The following TP73 variants were observed in gnomAD, a reference collection of about 807,000 sequenced individuals.
TP73 encodes the protein tumor protein p73, also known as p53-like transcription factor.
A neutral mutation model predicts 62.5 loss-of-function variants in TP73; 25 were observed. The ratio of observed to expected loss-of-function variants is 0.40; its 90% CI spans 0.29 to 0.56. The LOEUF (loss-of-function observed/expected upper bound fraction) is 0.56, where lower values mean the gene tolerates loss of function less well. Among genes scored for constraint, TP73 ranks in the 20% least tolerant of loss-of-function variants. The pLI, the probability that TP73 is intolerant of heterozygous loss-of-function variation, is 0.46. For missense variants in TP73, 754 were observed against 913.3 expected, an observed-to-expected ratio of 0.83 and a Z score of 2.25; for synonymous variants, 423 against 377.5, an observed-to-expected ratio of 1.12 and a Z score of -1.40.
intron 4 of TP73, among the ~76,000 whole-genome samples, chr1:3,715,302 G>A (rs1640500943): frequency 6.6e-6 from 1 of 152,108 alleles, no homozygotes; most frequent in African/African-American, 2.4e-5. Context: ...TGACGCCTCT[G>A]CAGTGCCCAG....
chr1:3,722,335 G>A lies in TP73; in HGVS notation c.616+128G>A, dbSNP rs184768588. The A allele has an allele frequency of 3.5e-6, 4 of 1,148,258 alleles. No individual in the cohort carries two copies. The African/African-American group carries it at 4.7e-5, about 14-fold the overall frequency. 71.1% of individuals were successfully genotyped at this position (1,148,258 alleles called of 1,614,324 possible). A position where few individuals can be genotyped will look rare whatever the true frequency, so the allele number is the denominator to read the frequency against. ...GGGCTTAGCCATTCCCCTGCGGAGG[G>A]CTTTCAGTGCCTCCACCAGCCCCCA... On this transcript the variant is annotated intron_variant, in intron 5 of 13. Coordinates refer to ENST00000378295, the MANE Select transcript of TP73 (RefSeq NM_005427.4).
At chr1:3,684,315 C>T (rs1423704260) in intron 3 of TP73, among the ~76,000 whole-genome samples, 3 of 152,174 alleles carry the variant, frequency 2.0e-5, no homozygotes, top group Non-Finnish European at 4.4e-5. Context: ...CGGAACAGCG[C>T]GTCTGGGGCA....
Position 3,693,341 on chromosome 1 carries a change from T to C in TP73, c.186+10161T>C, listed in dbSNP as rs571469314. 6.0e-4 allele frequency among the ~76,000 whole-genome samples: 92 copies of C among 152,318 alleles called. 1 individual carries two copies. The highest frequency in any genetic ancestry group is 1.2e-3 in the Non-Finnish European group (81 of 68,008). On this transcript the variant is annotated intron_variant, in intron 3 of 13. Transcript: ENST00000378295. ...TGGTGGCTTTGTGAGGCCCTGGTTA[T>C]TCCTATCAAAGCACAGTAGCTGCTC...
At chr1:3,659,234 G>C (rs1644936455) in intron 1 of TP73, 1 of 152,240 alleles carries the variant, frequency 6.6e-6, no homozygotes, top group South Asian at 2.1e-4. Context: ...TGAGCCTGGG[G>C]GCCGTGGCGG....
chr1:3,668,517 T>C (rs2102037150), intron 1 of TP73: 1 of 113,054 alleles, frequency 8.8e-6, no homozygotes, highest in Non-Finnish European at 1.8e-5. Context: ...TTGCTGCACG[T>C]GTGTGTGTGT....
Position 3,662,749 on chromosome 1 carries a change from G to A in TP73, c.-34+10108G>A, listed in dbSNP as rs1209434958. Among the ~76,000 whole-genome samples the A allele has an allele frequency of 6.6e-6, 1 of 152,162 alleles. No individual in the cohort carries two copies. Among genetic ancestry groups the A allele is most frequent in the African/African-American group, 2.4e-5 (1 of 41,448 alleles). On this transcript the variant is annotated intron_variant, in intron 1 of 13. Coordinates refer to ENST00000378295, the MANE Select transcript of TP73 (RefSeq NM_005427.4). The surrounding 1 kb of genome is among the most constrained non-coding windows in gnomAD (Gnocchi z 4.4). Reference sequence around the variant, plus strand: ...CCAACCCAGGTGTCAGGGCTATGGAGGGGACATTGCAAGGGGGCCTAGAGG... The same window carrying A: ...CCAACCCAGGTGTCAGGGCTATGGAAGGGACATTGCAAGGGGGCCTAGAGG...
intron 1 of TP73, among the ~76,000 whole-genome samples, chr1:3,665,280 C>T (rs987519087): frequency 1.3e-5 from 2 of 152,106 alleles, no homozygotes; most frequent in South Asian, 2.1e-4. Context: ...GAGGACAGAT[C>T]GAGTTGTGAA....
At chr1:3,689,556 C>T (rs944329463) in intron 3 of TP73, among the ~76,000 whole-genome samples, 3 of 152,076 alleles carry the variant, frequency 2.0e-5, no homozygotes, top group Non-Finnish European at 4.4e-5. Flanking sequence ...CAGTCCAAAC[C>T]TCCCCTGCCC....
rs779517709 is a variant in TP73 at position 3,701,140 on chromosome 1, C to T, written c.187-6409C>T. Among the ~76,000 whole-genome samples, 50 of 152,194 alleles carry T rather than the reference C, an allele frequency of 3.3e-4. No homozygotes were observed. Among genetic ancestry groups the T allele is most frequent in the Non-Finnish European group, 3.8e-4 (26 of 68,032 alleles). On this transcript the variant is annotated intron_variant, in intron 3 of 13. Transcript: ENST00000378295. This position sits in a 1 kb window ranked among gnomAD's most constrained non-coding sequence, Gnocchi z 4.7. ...TTTCATCCAACCAAGAGTTTCTGAGCGTCCTGTCGGTACTGGCTATCTGGA... is the reference window on the plus strand; with the variant it reads ...TTTCATCCAACCAAGAGTTTCTGAGTGTCCTGTCGGTACTGGCTATCTGGA...
At chr1:3,683,503 G>A (rs1263163563) in intron 3 of TP73, among the ~76,000 whole-genome samples, 1 of 152,096 alleles carries the variant, frequency 6.6e-6, no homozygotes, top group Non-Finnish European at 1.5e-5. Flanking sequence ...GTGGGTCCAG[G>A]TGTAGGAAGG....
rs2124520299 is a variant in TP73 at position 3,727,618 on chromosome 1, C to T, written c.843-10C>T. The T allele has an allele frequency of 6.3e-7, 1 of 1,593,342 alleles. No individual in the cohort carries two copies. The highest frequency in any genetic ancestry group is 2.3e-5 in the East Asian group (1 of 44,192). The stretch of plus-strand genomic sequence containing the variant: ...TTGAGCTCACAATTCTGGCTGTGCC[C>T]ACCCGACAGTGGGCAGGTGCTGGGC... On this transcript the variant is annotated splice_polypyrimidine_tract_variant and intron_variant, in intron 7 of 13. Transcript: ENST00000378295.
In TP73 at chr1:3,710,151, A is replaced by G. The variant is rs1050407088; in HGVS notation, c.429+2360A>G. Among the ~76,000 whole-genome samples the G allele has an allele frequency of 5.5e-5, 7 of 126,178 alleles. No individual in the cohort carries two copies. In the Admixed American group the frequency reaches 6.7e-4, roughly 12 times the overall value. The allele number at this position is 126,178 out of a possible 152,430, so 82.8% of individuals were successfully genotyped here. A position where few individuals can be genotyped will look rare whatever the true frequency, so the allele number is the denominator to read the frequency against. ...TGTGCCTGGTGCCCAGCAGAGGAGC[A>G]GTGACACCTCCTCGCTCCCTCCCTG... On this transcript the variant is annotated intron_variant, in intron 4 of 13. Transcript: ENST00000378295.
At chr1:3,686,783 G>A (rs886721761) in intron 3 of TP73, among the ~76,000 whole-genome samples, 9 of 152,184 alleles carry the variant, frequency 5.9e-5, no homozygotes, top group Non-Finnish European at 1.3e-4. Context: ...CAGGTTTGCT[G>A]AGCTCAGGAC....
chr1:3,696,086 C>T lies in TP73; in HGVS notation c.187-11463C>T, dbSNP rs568194008. On this transcript the variant is annotated intron_variant, in intron 3 of 13. Transcript: ENST00000378295. This position sits in a 1 kb window ranked among gnomAD's most constrained non-coding sequence, Gnocchi z 4.1. The stretch of plus-strand genomic sequence containing the variant: ...CGCATGCAGGGAGGAGGACGACGAG[C>T]GAGCAGTTCCCAAAGCCCCATGAGG... 2.3e-4 allele frequency among the ~76,000 whole-genome samples: 35 copies of T among 152,274 alleles called. 1 individual carries two copies. In the South Asian group the frequency reaches 6.4e-3, roughly 28 times the overall value.
intron 6 of TP73, among the ~76,000 whole-genome samples, chr1:3,725,464 G>A (rs576426422): frequency 2.9e-4 from 42 of 147,164 alleles, no homozygotes; most frequent in African/African-American, 9.8e-4. Flanking sequence ...GATAAATGGG[G>A]TGGGTGGGTG....
At chr1:3,727,847 CGTCCCAGGGACAGGGCCA>C (rs1641802389) in intron 8 of TP73, 77 bp downstream of exon 8, 1 of 1,453,058 alleles carries the variant, frequency 6.9e-7, no homozygotes, top group African/African-American at 1.4e-5. Flanking sequence ...TGTGAGCCCG[CGTCCCAGGGACAGGGCCA>C]GTCCCTGAAC....
intron 7 of TP73, 49 bp downstream of exon 7, chr1:3,727,273 C>T (rs777653360): frequency 3.8e-5 from 59 of 1,547,444 alleles, no homozygotes; most frequent in Admixed American, 5.2e-5. Flanking sequence ...TGGGCAGGCA[C>T]GGCCGGGGGA....
intron 4 of TP73, among the ~76,000 whole-genome samples, chr1:3,715,109 C>A (rs1441327075): frequency 6.6e-6 from 1 of 152,204 alleles, no homozygotes; most frequent in Non-Finnish European, 1.5e-5. Flanking sequence ...CAGCCAGACA[C>A]AAGGCAGTCT....
At chr1:3,686,299 CAG>C (rs981042655) in intron 3 of TP73, among the ~76,000 whole-genome samples, 1 of 152,224 alleles carries the variant, frequency 6.6e-6, no homozygotes, top group Non-Finnish European at 1.5e-5. Flanking sequence ...CCGTTGGACA[CAG>C]GGTGTCTGAG....
Sources: gnomAD v4.1 joint callset for allele counts (sites outside exome capture counted in the v4.1 genomes callset) on GRCh38, gnomAD v4.1.1 for gene constraint, Gnocchi (gnomAD v3.1) non-coding constraint, MANE v1.5 for transcripts, NCBI Gene and HGNC (gene_info 2026-07-23, HGNC 2026-07-21) for gene names.